GRAMD2B: variants seen among roughly 807,000 people sequenced by gnomAD.
GRAMD2B encodes GRAM domain containing 2B.
A neutral mutation model predicts 59.2 loss-of-function variants in GRAMD2B; 41 were observed. The observed-to-expected ratio is 0.69, with a 90% CI of 0.54 to 0.90. The LOEUF (loss-of-function observed/expected upper bound fraction) is 0.90. Ranked by LOEUF, GRAMD2B falls within the 40% of genes least tolerant of loss-of-function variation. The probability of loss-of-function intolerance (pLI) is 0.00; values close to 1 mark genes in which losing one functional copy is unlikely to be tolerated. For synonymous variants in GRAMD2B, 161 were observed against 182.7 expected, an observed-to-expected ratio of 0.88 and a Z score of 0.96; for missense variants, 424 against 500.5, an observed-to-expected ratio of 0.85 and a Z score of 1.46.
At chr5:126,479,111 T>A (rs1191659174) in intron 6 of GRAMD2B, among the ~76,000 whole-genome samples, 1 of 152,208 alleles carries the variant, frequency 6.6e-6, no homozygotes, top group East Asian at 1.9e-4. Flanking sequence ...TCTGGTTACT[T>A]TTCACATGAA....
At chr5:126,447,876 A>T (rs73334465) in intron 1 of GRAMD2B, among the ~76,000 whole-genome samples, 46,296 of 105,500 alleles carry the variant, frequency 0.44, 7,234 homozygotes, top group African/African-American at 0.53. Flanking sequence ...TTTTTTTTTT[A>T]AAAAATAGTC....
chr5:126,454,896 T>G (rs1422319085), intron 1 of GRAMD2B, among the ~76,000 whole-genome samples: 1 of 152,222 alleles, frequency 6.6e-6, no homozygotes. Context: ...CTCCTTTGGT[T>G]TTTTTAGATA....
At chr5:126,421,918 C>T (rs1295840728), upstream of GRAMD2B, among the ~76,000 whole-genome samples, 3 of 152,142 alleles carry the variant, frequency 2.0e-5, no homozygotes, top group African/African-American at 7.2e-5. Context: ...CTTGCAGCCC[C>T]AGAACATAGT....
At chr5:126,371,710 G>A (rs1180340545) in intron 1 of GRAMD2B, 16 of 635,714 alleles carry the variant, frequency 2.5e-5, no homozygotes. Flanking sequence ...TAGGCATCCT[G>A]ACCAGTGGAT....
chr5:126,416,333 C>T (rs1441524949), intron 1 of GRAMD2B, among the ~76,000 whole-genome samples: 2 of 151,994 alleles, frequency 1.3e-5, no homozygotes, highest in Non-Finnish European at 2.9e-5. Flanking sequence ...TCGCTTACTT[C>T]TTTTCTTCCT....
intron 1 of GRAMD2B, among the ~76,000 whole-genome samples, chr5:126,425,938 T>C (rs1182440085): frequency 6.6e-6 from 1 of 152,058 alleles, no homozygotes; most frequent in African/African-American, 2.4e-5. Flanking sequence ...TTGAGTTCTA[T>C]TGCACAGCAA....
intron 1 of GRAMD2B, among the ~76,000 whole-genome samples, chr5:126,453,049 C>T (rs1364700481): frequency 6.6e-6 from 1 of 152,164 alleles, no homozygotes; most frequent in Admixed American, 6.5e-5. Flanking sequence ...CTCATTGTGA[C>T]ATCCAATTGC....
chr5:126,401,450 T>C (rs1757828216), intron 1 of GRAMD2B, among the ~76,000 whole-genome samples: 1 of 152,126 alleles, frequency 6.6e-6, no homozygotes, highest in Non-Finnish European at 1.5e-5. Context: ...CTCCATTTCT[T>C]TGGGTTCAGT....
intron 5 of GRAMD2B, among the ~76,000 whole-genome samples, chr5:126,475,342 C>G (rs1179020187): frequency 6.6e-6 from 1 of 152,136 alleles, no homozygotes; most frequent in Non-Finnish European, 1.5e-5. Flanking sequence ...TGTTCCATGC[C>G]TTAGATTATG....
intron 1 of GRAMD2B, among the ~76,000 whole-genome samples, chr5:126,454,177 G>T (rs1277944513): frequency 6.6e-6 from 1 of 152,138 alleles, no homozygotes; most frequent in Non-Finnish European, 1.5e-5. Flanking sequence ...AAAAGAAGAG[G>T]GAGATTGCAA....
At chr5:126,465,654 CAAA>C in intron 2 of GRAMD2B, 109 bp downstream of exon 2, 1 of 916,446 alleles carries the variant, frequency 1.1e-6, no homozygotes. Flanking sequence ...ATACTATAGA[CAAA>C]TAATACTCCT....
upstream of GRAMD2B, among the ~76,000 whole-genome samples, chr5:126,419,949 A>G (rs377457189): frequency 1.1e-3 from 163 of 149,920 alleles, 2 homozygotes; most frequent in African/African-American, 3.4e-3. Context: ...CAGCTACTCG[A>G]GAGGCTGAGG....
intron 2 of GRAMD2B, among the ~76,000 whole-genome samples, chr5:126,466,842 T>C (rs1463212315): frequency 6.6e-6 from 1 of 152,224 alleles, no homozygotes; most frequent in East Asian, 1.9e-4. Flanking sequence ...AAAACACTGT[T>C]GGTTTTACTC....
chr5:126,381,168 T>C (rs1755624592), intron 1 of GRAMD2B, among the ~76,000 whole-genome samples: 1 of 152,230 alleles, frequency 6.6e-6, no homozygotes, highest in South Asian at 2.1e-4. Flanking sequence ...CATGTGATTT[T>C]TGTTTTTAAT....
At chr5:126,451,590 C>T (rs10075722) in intron 1 of GRAMD2B, among the ~76,000 whole-genome samples, 139,089 of 152,196 alleles carry the variant, frequency 0.91, 64,561 homozygotes, top group East Asian at 1. Flanking sequence ...GAGTCTCTTA[C>T]GAGACTTAGG....
rs147604532 is a variant in GRAMD2B, at chr5:126,411,841, G to GGTGTGTGTGTGTGTGTGTGTGTGTGT, written c.125+40294_125+40295insGTGTGTGTGTGTGTGTGTGTGTGTGT. Among the ~76,000 whole-genome samples, 1,282 of 148,786 alleles carry GGTGTGTGTGTGTGTGTGTGTGTGTGT rather than the reference G, an allele frequency of 8.6e-3. 16 individuals are homozygous for GGTGTGTGTGTGTGTGTGTGTGTGTGT. Among genetic ancestry groups the GGTGTGTGTGTGTGTGTGTGTGTGTGT allele is most frequent in the Admixed American group, 0.035 (518 of 14,866 alleles). ...CACCACATTGGTTAGATATATTTCT[G>GGTGTGTGTGTGTGTGTGTGTGTGTGT]GTGTGTGTGTGTGTGTGTGTTTGTG... On this transcript the variant is annotated intron_variant, in intron 1 of 8. Coordinates refer to the GRAMD2B transcript ENST00000506445.
intron 8 of GRAMD2B, 63 bp downstream of exon 8, chr5:126,480,770 G>C: frequency 7.0e-7 from 1 of 1,422,984 alleles, no homozygotes; most frequent in South Asian, 1.1e-5. Context: ...AATTACACTT[G>C]TGCTTACACC....
intron 1 of GRAMD2B, among the ~76,000 whole-genome samples, chr5:126,405,370 A>T (rs997031428): frequency 3.9e-5 from 6 of 151,912 alleles, no homozygotes; most frequent in African/African-American, 1.4e-4. Flanking sequence ...TTTGAAAACC[A>T]ACACAACTAA....
At chr5:126,457,630 C>CG (rs1766562017) in intron 1 of GRAMD2B, among the ~76,000 whole-genome samples, 1 of 151,896 alleles carries the variant, frequency 6.6e-6, no homozygotes, top group East Asian at 1.9e-4. Flanking sequence ...GACTCTGTCT[C>CG]GGGGGGAAAA....
Sources: allele counts gnomAD v4.1 joint callset (sites outside exome capture counted in the v4.1 genomes callset), GRCh38; gene constraint gnomAD v4.1.1; transcripts MANE v1.5; gene names NCBI Gene and HGNC (gene_info 2026-07-23, HGNC 2026-07-21).